The following MYOM2 variants were observed in gnomAD, a reference collection of about 807,000 sequenced individuals.
The protein encoded by MYOM2 is myomesin 2.
A neutral mutation model predicts 187.6 loss-of-function variants in MYOM2; 254 were observed. That is an observed-to-expected ratio of 1.35 (90% confidence interval 1.22 to 1.50). The LOEUF (loss-of-function observed/expected upper bound fraction) is 1.50. Among genes scored for constraint, MYOM2 ranks in the 40% most tolerant of loss-of-function variants. The probability of loss-of-function intolerance (pLI) is 0.00; values close to 1 mark genes in which losing one functional copy is unlikely to be tolerated. For missense variants in MYOM2, 2,796 were observed against 1,924.0 expected (o/e 1.45, Z -8.48); for synonymous variants, 981 against 753.8 (o/e 1.30, Z -4.94).
intron 32 of MYOM2, among the ~76,000 whole-genome samples, chr8:2,139,834 A>G (rs1426501657): frequency 6.6e-6 from 1 of 152,200 alleles, no homozygotes; most frequent in East Asian, 1.9e-4. Flanking sequence ...GTTTGGCCTT[A>G]TATGTTGCAG....
chr8:2,104,065 G>C (rs890666610), intron 21 of MYOM2, among the ~76,000 whole-genome samples: 7 of 152,168 alleles, frequency 4.6e-5, no homozygotes, highest in African/African-American at 1.4e-4. Flanking sequence ...TGCTTGGCAG[G>C]GGTTGTTCTT....
chr8:2,054,725 A>C (rs1282803663), intron 3 of MYOM2, among the ~76,000 whole-genome samples: 1 of 152,234 alleles, frequency 6.6e-6, no homozygotes, highest in Non-Finnish European at 1.5e-5. Context: ...TAAACTCATC[A>C]CAGTGCTGCG....
At chr8:2,085,597 ACTGTCG>A (rs1819834699) in intron 14 of MYOM2, among the ~76,000 whole-genome samples, 1 of 7,374 alleles carries the variant, frequency 1.4e-4, no homozygotes, top group Non-Finnish European at 2.0e-4. Context: ...GCGTGGCCCC[ACTGTCG>A]TGATCTCTGC....
At chr8:2,135,365 AT>A (rs1417324527) in intron 32 of MYOM2, among the ~76,000 whole-genome samples, 1 of 152,018 alleles carries the variant, frequency 6.6e-6, no homozygotes, top group Non-Finnish European at 1.5e-5. Context: ...AGTTATGTTC[AT>A]TTGTTACTGT....
intron 15 of MYOM2, among the ~76,000 whole-genome samples, chr8:2,090,440 G>A (rs565167833): frequency 1.8e-4 from 28 of 152,134 alleles, no homozygotes; most frequent in Non-Finnish European, 3.4e-4. Flanking sequence ...TTTAGGAAAC[G>A]GTCACTTTTA....
chr8:2,056,727 C>G (rs1429126775), intron 3 of MYOM2, among the ~76,000 whole-genome samples: 1 of 152,142 alleles, frequency 6.6e-6, no homozygotes, highest in Non-Finnish European at 1.5e-5. Flanking sequence ...ACATGGGGAG[C>G]TCACCATTTT....
rs151010315 is a variant in MYOM2, at chr8:2,099,647, TG to T, written c.2440+667del. 3.2e-3 allele frequency among the ~76,000 whole-genome samples: 489 copies of T among 152,320 alleles called. 22 individuals are homozygous for T. In the East Asian group the frequency reaches 0.081, roughly 25 times the overall value. On this transcript the variant is annotated intron_variant, in intron 19 of 36. Transcript: ENST00000262113. ...GTTGCCCAGGCTGGTCTTGAACTCCTGGGCTCAAGCCATCTTCCTGCCTCAG... is the reference window on the plus strand; with the variant it reads ...GTTGCCCAGGCTGGTCTTGAACTCCTGGCTCAAGCCATCTTCCTGCCTCAG...
intron 2 of MYOM2, among the ~76,000 whole-genome samples, chr8:2,051,750 C>T (rs1053572540): frequency 5.9e-5 from 9 of 152,186 alleles, no homozygotes; most frequent in African/African-American, 1.9e-4. Context: ...AGGGAGAAAG[C>T]ACCCCAGGGC....
At chr8:2,069,899 G>A (rs1158223138) in intron 8 of MYOM2, among the ~76,000 whole-genome samples, 2 of 152,154 alleles carry the variant, frequency 1.3e-5, no homozygotes, top group African/African-American at 4.8e-5. Flanking sequence ...TCATGTTGCT[G>A]TTTCGTGTTT....
At chr8:2,094,595 G>A (rs1483332507) in intron 17 of MYOM2, among the ~76,000 whole-genome samples, 3 of 152,226 alleles carry the variant, frequency 2.0e-5, no homozygotes, top group Non-Finnish European at 4.4e-5. Context: ...AGTTTGCAGT[G>A]AGCCAAGATC....
intron 31 of MYOM2, 31 bp from the exon 32 acceptor site, chr8:2,129,096 C>A (rs1041475795): frequency 6.5e-7 from 1 of 1,538,698 alleles, no homozygotes; most frequent in African/African-American, 1.4e-5. Flanking sequence ...CACTCCTTTT[C>A]CTAGATCTGA....
chr8:2,071,373 T>C (rs1404867570), intron 8 of MYOM2, among the ~76,000 whole-genome samples: 1 of 152,110 alleles, frequency 6.6e-6, no homozygotes, highest in Admixed American at 6.6e-5. Context: ...AAATTCAGTA[T>C]AGATTTTTTT....
At chr8:2,083,400 C>CTAGCGGTATCTTATGTGTGCT (rs1819698157) in intron 13 of MYOM2, among the ~76,000 whole-genome samples, 1 of 150,992 alleles carries the variant, frequency 6.6e-6, no homozygotes, top group African/African-American at 2.4e-5. Flanking sequence ...TCACATGTGC[C>CTAGCGGTATCTTATGTGTGCT]TAGTGGCATC....
At chr8:2,115,820 TC>T (rs1450672148) in intron 25 of MYOM2, 139 bp from the exon 26 acceptor site, 2 of 889,590 alleles carry the variant, frequency 2.2e-6, no homozygotes, top group African/African-American at 3.4e-5. Flanking sequence ...CCCAGAGGTT[TC>T]CTTGATAAAA....
chr8:2,087,934 C>T (rs1025401342), intron 14 of MYOM2, among the ~76,000 whole-genome samples: 2 of 152,220 alleles, frequency 1.3e-5, no homozygotes, highest in Non-Finnish European at 2.9e-5. Context: ...CAAGCCACAA[C>T]ACCTGTCCTG....
chr8:2,099,703 T>C (rs949262284), intron 19 of MYOM2, among the ~76,000 whole-genome samples: 1 of 152,218 alleles, frequency 6.6e-6, no homozygotes, highest in African/African-American at 2.4e-5. Context: ...CACAGGTTCA[T>C]GTCACCATGC....
chr8:2,085,459 T>C, intron 14 of MYOM2, 69 bp downstream of exon 14: 1 of 1,548,178 alleles, frequency 6.5e-7, no homozygotes, highest in South Asian at 1.2e-5. Flanking sequence ...GATCTCTGCG[T>C]GGCCCACCGC....
In MYOM2 at chr8:2,115,980, C is replaced by G. The variant is rs538882884; in HGVS notation, c.3201C>G (p.Asp1067Glu). 1.9e-5 allele frequency: 30 copies of G among 1,613,628 alleles called. No homozygotes were observed. Among genetic ancestry groups the G allele is most frequent in the Non-Finnish European group, 2.4e-5 (28 of 1,179,924 alleles). ...TGCAGATACACAGAATTAAATGTGA[C>G]AAAGCTACTGGCATTATTGAGATGG... ...SDSEIHRIKC[D>E]KATGIIEMVM... Residue 1067 changes from aspartate to glutamate, a missense_variant, in exon 26 of 37, where the codon GAC becomes GAG. Physicochemically the swap from Asp to Glu is conservative, Grantham distance 45. Coordinates refer to ENST00000262113, the MANE Select transcript of MYOM2 (RefSeq NM_003970.4).
chr8:2,082,325 A>G (rs1215257758), intron 13 of MYOM2: 1 of 152,214 alleles, frequency 6.6e-6, no homozygotes, highest in East Asian at 1.9e-4. Flanking sequence ...TTCGAAGCGA[A>G]CCATTTCGGG....
Sources: gnomAD v4.1 joint callset for allele counts (sites outside exome capture counted in the v4.1 genomes callset) on GRCh38, gnomAD v4.1.1 for gene constraint, MANE v1.5 for transcripts, NCBI Gene and HGNC (gene_info 2026-07-23, HGNC 2026-07-21) for gene names.